INPP4B: variants seen among roughly 807,000 people sequenced by gnomAD.
INPP4B encodes inositol polyphosphate-4-phosphatase type II B, also known as inositol polyphosphate 4-phosphatase type II.
Under a neutral mutation model 122.5 loss-of-function variants are expected in INPP4B, and 55 were observed. The ratio of observed to expected loss-of-function variants is 0.45; its 90% CI spans 0.36 to 0.56. INPP4B has a LOEUF of 0.56. Among genes scored for constraint, INPP4B ranks in the 20% least tolerant of loss-of-function variants. The pLI is 0.00. For synonymous variants in INPP4B, 403 were observed against 388.7 expected, an observed-to-expected ratio of 1.04 and a Z score of -0.43; for missense variants, 1,000 against 1,097.7, an observed-to-expected ratio of 0.91 and a Z score of 1.26.
intron 2 of INPP4B, among the ~76,000 whole-genome samples, chr4:142,700,542 T>C (rs751574132): frequency 6.6e-6 from 1 of 152,224 alleles, no homozygotes; most frequent in Non-Finnish European, 1.5e-5. Context: ...AAAGTATCTG[T>C]TCTAAATTCT....
intron 15 of INPP4B, among the ~76,000 whole-genome samples, chr4:142,179,237 C>T (rs929120405): frequency 2.0e-5 from 3 of 151,986 alleles, no homozygotes; most frequent in Non-Finnish European, 4.4e-5. Context: ...TTTTGGGAGG[C>T]CGAGGTGGGC....
intron 2 of INPP4B, among the ~76,000 whole-genome samples, chr4:142,627,722 G>A (rs1013471152): frequency 2.0e-5 from 3 of 151,784 alleles, no homozygotes; most frequent in African/African-American, 7.3e-5. Context: ...CTCTTTTTTG[G>A]TTGTGTCTCT....
intron 2 of INPP4B, among the ~76,000 whole-genome samples, chr4:142,624,001 C>T (rs1745638275): frequency 6.6e-6 from 1 of 152,066 alleles, no homozygotes; most frequent in African/African-American, 2.4e-5. Flanking sequence ...CAAGTCTTTG[C>T]TATCGTGAAT....
intron 9 of INPP4B, among the ~76,000 whole-genome samples, chr4:142,275,560 A>G (rs1747985720): frequency 6.6e-6 from 1 of 151,850 alleles, no homozygotes; most frequent in Admixed American, 6.6e-5. Context: ...GAGTGACTGC[A>G]CCCTGATGAT....
chr4:142,447,985 ATTATG>A (rs574173395), intron 3 of INPP4B, among the ~76,000 whole-genome samples: 2 of 152,166 alleles, frequency 1.3e-5, no homozygotes, highest in African/African-American at 2.4e-5. Context: ...CTTCATGAAC[ATTATG>A]TTATATTTTA....
chr4:142,270,318 T>C (rs1561694663), intron 10 of INPP4B, among the ~76,000 whole-genome samples: 1 of 152,202 alleles, frequency 6.6e-6, no homozygotes, highest in Non-Finnish European at 1.5e-5. Flanking sequence ...TTTTGGGCAA[T>C]AGCCATCCCA....
intron 2 of INPP4B, among the ~76,000 whole-genome samples, chr4:142,705,503 T>G (rs1386985299): frequency 7.3e-6 from 1 of 137,198 alleles, no homozygotes; most frequent in Admixed American, 7.0e-5. Context: ...ACACACAAAG[T>G]CAATCATATT....
At chr4:142,234,668 C>T (rs1157035230) in intron 12 of INPP4B, among the ~76,000 whole-genome samples, 1 of 152,192 alleles carries the variant, frequency 6.6e-6, no homozygotes, top group Non-Finnish European at 1.5e-5. Context: ...ACAGCCTGGT[C>T]ATCATAGACC....
intron 12 of INPP4B, among the ~76,000 whole-genome samples, chr4:142,215,842 G>T (rs930201166): frequency 7.5e-6 from 1 of 133,526 alleles, no homozygotes; most frequent in Non-Finnish European, 1.5e-5. Flanking sequence ...GCAGTGAGCT[G>T]AGATTGTGCC....
chr4:142,490,873 A>G (rs1821786073), intron 2 of INPP4B, among the ~76,000 whole-genome samples: 1 of 152,196 alleles, frequency 6.6e-6, no homozygotes, highest in Non-Finnish European at 1.5e-5. Flanking sequence ...AGGTTCATCC[A>G]TGCTATTGCA....
At chr4:142,387,843 C>G (rs1005648312) in intron 7 of INPP4B, among the ~76,000 whole-genome samples, 5 of 152,176 alleles carry the variant, frequency 3.3e-5, no homozygotes, top group Non-Finnish European at 7.4e-5. Flanking sequence ...GCCTAGGTCC[C>G]CATAAGCCCG....
intron 2 of INPP4B, among the ~76,000 whole-genome samples, chr4:142,478,076 T>G (rs1820029614): frequency 6.6e-6 from 1 of 152,186 alleles, no homozygotes; most frequent in Non-Finnish European, 1.5e-5. Context: ...ATGCTGGGGT[T>G]ATAGGCACCC....
At chr4:142,440,395 G>C (rs1811429913) in intron 3 of INPP4B, among the ~76,000 whole-genome samples, 2 of 152,286 alleles carry the variant, frequency 1.3e-5, no homozygotes, top group Middle Eastern at 3.4e-3. Flanking sequence ...GGAGAGTCCT[G>C]GCAATTCTAG....
chr4:142,616,287 G>A (rs1743689446), intron 2 of INPP4B, among the ~76,000 whole-genome samples: 1 of 152,052 alleles, frequency 6.6e-6, no homozygotes, highest in Non-Finnish European at 1.5e-5. Flanking sequence ...TTCCTAGAGA[G>A]GGAGTCTTAA....
At chr4:142,806,227 C>T (rs1417806348) in intron 1 of INPP4B, among the ~76,000 whole-genome samples, 2 of 127,186 alleles carry the variant, frequency 1.6e-5, no homozygotes, top group East Asian at 2.3e-4. Flanking sequence ...TGCAGTGAGC[C>T]GAGATGGCAC....
At chr4:142,314,815 G>A (rs1202761790) in intron 7 of INPP4B, 53 bp from the exon 8 acceptor site, 4 of 1,422,616 alleles carry the variant, frequency 2.8e-6, no homozygotes, top group Admixed American at 2.2e-5. Flanking sequence ...TAGTGCAGAA[G>A]CCTCGCACAG....
chr4:142,796,848 G>A (rs1777303410), intron 1 of INPP4B, among the ~76,000 whole-genome samples: 1 of 149,036 alleles, frequency 6.7e-6, no homozygotes, highest in Admixed American at 6.7e-5. Context: ...TCTATTCACA[G>A]AAACTGATGC....
At chr4:142,051,923 G>A (rs1485026864) in intron 25 of INPP4B, among the ~76,000 whole-genome samples, 1 of 151,904 alleles carries the variant, frequency 6.6e-6, no homozygotes, top group Admixed American at 6.6e-5. Flanking sequence ...ACAAATCTGT[G>A]GGTCCAGAAC....
intron 5 of INPP4B, chr4:142,423,825 A>T: frequency 2.3e-6 from 1 of 440,528 alleles, no homozygotes; most frequent in Non-Finnish European, 4.5e-6. Flanking sequence ...TTCCTATAAA[A>T]AAAAAAACCT....
Sources: gnomAD v4.1 joint callset for allele counts (sites outside exome capture counted in the v4.1 genomes callset) on GRCh38, gnomAD v4.1.1 for gene constraint, MANE v1.5 for transcripts, NCBI Gene and HGNC (gene_info 2026-07-23, HGNC 2026-07-21) for gene names.